RALGPS1: variants seen among roughly 807,000 people sequenced by gnomAD.
RALGPS1 encodes the protein Ral GEF with PH domain and SH3 binding motif 1, also known as ras-specific guanine nucleotide-releasing factor RalGPS1.
Under a neutral mutation model 78.8 loss-of-function variants are expected in RALGPS1, and 19 were observed. That is an observed-to-expected ratio of 0.24 (90% CI 0.17 to 0.35). The LOEUF is 0.35. Among genes scored for constraint, RALGPS1 ranks in the 10% least tolerant of loss-of-function variants. RALGPS1 has a pLI of 1.00. For synonymous variants in RALGPS1, 228 were observed against 256.3 expected (o/e 0.89, Z 1.06); for missense variants, 454 against 688.3 (o/e 0.66, Z 3.81).
intron 7 of RALGPS1, among the ~76,000 whole-genome samples, chr9:127,064,067 A>G (rs2049459507): frequency 6.6e-6 from 1 of 152,240 alleles, no homozygotes; most frequent in Non-Finnish European, 1.5e-5. Flanking sequence ...GTTATCATAC[A>G]GGCAAGCACA....
rs1246724840 is a variant in RALGPS1, at chr9:127,212,455, G to A, written c.1354-172G>A. On this transcript the variant is annotated intron_variant, in intron 15 of 18. Transcript: ENST00000259351. The surrounding 1 kb of genome is among the most constrained non-coding windows in gnomAD (Gnocchi z 6.0). The stretch of plus-strand genomic sequence containing the variant: ...AGGAGCAAGAGACGGGAGGGAAGAC[G>A]CCTCCTGTCTTGGTCCTAGGTGGAA... Among the ~76,000 whole-genome samples the A allele has an allele frequency of 2.0e-5, 3 of 152,134 alleles. No homozygotes were observed. The highest frequency in any genetic ancestry group is 2.1e-4 in the South Asian group (1 of 4,824).
chr9:127,188,832 TAAAAA>T (rs202172226), intron 11 of RALGPS1, among the ~76,000 whole-genome samples: 1 of 87,472 alleles, frequency 1.1e-5, no homozygotes, highest in African/African-American at 4.3e-5. Context: ...CCATCTCTAC[TAAAAA>T]AAAAAAAAAA....
At chr9:126,947,617 A>C (rs2037404253) in intron 1 of RALGPS1, among the ~76,000 whole-genome samples, 1 of 152,220 alleles carries the variant, frequency 6.6e-6, no homozygotes, top group Non-Finnish European at 1.5e-5. Context: ...GGCACAAAGT[A>C]AGTGAAAAGT....
Position 127,144,854 on chromosome 9 carries a change from G to GGA in RALGPS1, c.611-21213_611-21212dup, listed in dbSNP as rs772797927. ...GCCTAGGCTGGAAAGCGGGGAATGG[G>GGA]GAGTGATTGCTTAATGGGTGTAGCA... On this transcript the variant is annotated intron_variant, in intron 8 of 18. Coordinates refer to ENST00000259351, the MANE Select transcript of RALGPS1 (RefSeq NM_014636.3). Among the ~76,000 whole-genome samples the GGA allele has an allele frequency of 7.9e-5, 12 of 152,190 alleles. No individual in the cohort carries two copies. In the East Asian group the frequency reaches 2.3e-3, roughly 29 times the overall value.
intron 1 of RALGPS1, among the ~76,000 whole-genome samples, chr9:126,958,144 T>TAA (rs1439439824): frequency 8.1e-3 from 456 of 56,548 alleles, no homozygotes; most frequent in Middle Eastern, 0.026. Context: ...AAAAAAAAAA[T>TAA]ATATATATAT....
chr9:127,076,918 C>T (rs1003459447), intron 8 of RALGPS1, among the ~76,000 whole-genome samples: 3 of 152,292 alleles, frequency 2.0e-5, no homozygotes, highest in East Asian at 1.9e-4. Context: ...GCATTTTACA[C>T]GAAGATGACA....
intron 8 of RALGPS1, among the ~76,000 whole-genome samples, chr9:127,101,525 A>C (rs1269196536): frequency 6.6e-6 from 1 of 152,018 alleles, no homozygotes; most frequent in Non-Finnish European, 1.5e-5. Context: ...ATCCTTCACC[A>C]TCCTGAGCTG....
Position 127,220,348 on chromosome 9 carries a change from A to G in RALGPS1, c.*1579A>G, listed in dbSNP as rs530944742. The G allele has an allele frequency of 9.2e-5, 14 of 152,324 alleles. 1 individual carries two copies. Among genetic ancestry groups the G allele is most frequent in the African/African-American group, 3.4e-4 (14 of 41,554 alleles). The allele number at this position is 152,324 out of a possible 1,614,324, so 9.4% of individuals were successfully genotyped here. A position where few individuals can be genotyped will look rare whatever the true frequency, so the allele number is the denominator to read the frequency against. ...TTTCAAAACGACCAAAAGACCCACC[A>G]CTGTATTTTGACCAAATAATGACAA... On this transcript the variant is annotated 3_prime_UTR_variant, in exon 19 of 19. Coordinates refer to ENST00000259351, the MANE Select transcript of RALGPS1 (RefSeq NM_014636.3).
chr9:126,946,068 A>G (rs2037237381), intron 1 of RALGPS1, among the ~76,000 whole-genome samples: 1 of 152,234 alleles, frequency 6.6e-6, no homozygotes, highest in African/African-American at 2.4e-5. Context: ...CTTTCACGGT[A>G]GATGGGAGGT....
At chr9:127,209,867 CTG>C (rs1426307893) in intron 14 of RALGPS1, among the ~76,000 whole-genome samples, 4 of 152,204 alleles carry the variant, frequency 2.6e-5, no homozygotes, top group African/African-American at 4.8e-5. Flanking sequence ...CAAAGGAACT[CTG>C]GGCCTCATCT....
intron 8 of RALGPS1, among the ~76,000 whole-genome samples, chr9:127,090,237 A>G (rs1283421198): frequency 6.6e-6 from 1 of 152,134 alleles, no homozygotes; most frequent in East Asian, 1.9e-4. Context: ...CCAGCTACTG[A>G]TTTTGCTGCT....
intron 7 of RALGPS1, among the ~76,000 whole-genome samples, chr9:127,063,460 C>T (rs1375633879): frequency 1.3e-5 from 2 of 152,096 alleles, no homozygotes; most frequent in South Asian, 2.1e-4. Flanking sequence ...GTGGTTATAG[C>T]CCCTTTCTCA....
chr9:126,932,912 G>A lies in RALGPS1; in HGVS notation c.-66+17937G>A, dbSNP rs191007000. Among the ~76,000 whole-genome samples the A allele has an allele frequency of 1.1e-4, 17 of 152,322 alleles. 1 individual carries two copies. The South Asian group carries it at 2.3e-3, about 20-fold the overall frequency. On this transcript the variant is annotated intron_variant, in intron 1 of 18. Coordinates refer to ENST00000259351, the MANE Select transcript of RALGPS1 (RefSeq NM_014636.3). ...ACCACAAGAGCGGGCAGTCTGAGCC[G>A]AGGCCGGGCTGTGGACGCAGCTGGC...
intron 8 of RALGPS1, among the ~76,000 whole-genome samples, chr9:127,123,790 G>A (rs1433540796): frequency 1.3e-5 from 2 of 152,182 alleles, no homozygotes; most frequent in Non-Finnish European, 2.9e-5. Context: ...AGTCAGTGCA[G>A]GAGGACAGGC....
rs1174434563 is a variant in RALGPS1, at chr9:126,982,901, T to TTTCTTC, written c.216+5180_216+5185dup. ...CTTCCCCTTCCCCTTCTTCTCTTCT[T>TTTCTTC]TTCTTCTTCTTCTTCTTCTTCTTCT... is the stretch of plus-strand genomic sequence containing the variant. On this transcript the variant is annotated intron_variant, in intron 4 of 18. Coordinates refer to ENST00000259351, the MANE Select transcript of RALGPS1 (RefSeq NM_014636.3). Among the ~76,000 whole-genome samples the TTTCTTC allele has an allele frequency of 1.9e-4, 19 of 102,678 alleles. 1 individual carries two copies. Among genetic ancestry groups the TTTCTTC allele is most frequent in the African/African-American group, 6.0e-4 (18 of 30,204 alleles). The allele number at this position is 102,678 out of a possible 152,430, so 67.4% of individuals were successfully genotyped here.
chr9:126,949,940 G>T (rs1040939388), intron 1 of RALGPS1, among the ~76,000 whole-genome samples: 1 of 152,172 alleles, frequency 6.6e-6, no homozygotes, highest in Non-Finnish European at 1.5e-5. Flanking sequence ...GGTTTTTATG[G>T]TTTTATGTCT....
chr9:127,007,857 A>G (rs2043983282), intron 4 of RALGPS1, among the ~76,000 whole-genome samples: 2 of 151,880 alleles, frequency 1.3e-5, no homozygotes, highest in African/African-American at 4.8e-5. Context: ...TGCAGGGGAG[A>G]GCTTTGATTA....
chr9:126,982,014 C>G (rs979418637), intron 4 of RALGPS1, among the ~76,000 whole-genome samples: 1 of 152,158 alleles, frequency 6.6e-6, no homozygotes, highest in African/African-American at 2.4e-5. Flanking sequence ...TCCTCTGTTC[C>G]TTGCCATGTG....
intron 7 of RALGPS1, among the ~76,000 whole-genome samples, chr9:127,062,183 C>T (rs1011499931): frequency 2.2e-4 from 33 of 152,040 alleles, no homozygotes; most frequent in South Asian, 8.3e-4. Flanking sequence ...CTGCAAGCTC[C>T]GCCTCCCAGG....
Sources: allele counts gnomAD v4.1 joint callset (sites outside exome capture counted in the v4.1 genomes callset), GRCh38; gene constraint gnomAD v4.1.1; non-coding constraint Gnocchi (gnomAD v3.1); transcripts MANE v1.5; gene names NCBI Gene and HGNC (gene_info 2026-07-23, HGNC 2026-07-21).